The following PARD6B variants were observed in gnomAD, a reference collection of about 807,000 sequenced individuals.
PARD6B encodes par-6 family cell polarity regulator beta.
A neutral mutation model predicts 10.5 loss-of-function variants in PARD6B; 4 were observed. The ratio of observed to expected loss-of-function variants is 0.38; its 90% CI spans 0.19 to 0.87. The LOEUF is 0.87. Ranked by LOEUF, PARD6B falls within the 40% of genes least tolerant of loss-of-function variation. The pLI, the probability that PARD6B is intolerant of heterozygous loss-of-function variation, is 0.41. For synonymous variants in PARD6B, 169 were observed against 170.4 expected, an observed-to-expected ratio of 0.99 and a Z score of 0.07; for missense variants, 396 against 470.6, an observed-to-expected ratio of 0.84 and a Z score of 1.47.
In PARD6B at chr20:50,750,578, C is replaced by T. The variant is rs1411711804; in HGVS notation, c.*90C>T. The T allele has an allele frequency of 6.0e-5, 89 of 1,475,568 alleles. No homozygotes were observed. The highest frequency in any genetic ancestry group is 8.4e-5 in the South Asian group (6 of 71,210). The allele number at this position is 1,475,568 out of a possible 1,614,324, so 91.4% of individuals were successfully genotyped here. ...AAGCATATATACCTCTGACCAGTGA[C>T]GTGGAATAGGCATGAGACGAGTAAC... On this transcript the variant is annotated 3_prime_UTR_variant, in exon 3 of 3. Transcript: ENST00000371610.
At chr20:50,748,118 C>T (rs1487172592) in intron 2 of PARD6B, among the ~76,000 whole-genome samples, 1 of 152,216 alleles carries the variant, frequency 6.6e-6, no homozygotes, top group East Asian at 1.9e-4. Flanking sequence ...GCAGGTGGAT[C>T]ACCTGAGGTC....
intron 2 of PARD6B, among the ~76,000 whole-genome samples, chr20:50,747,751 G>A (rs2087577406): frequency 6.6e-6 from 1 of 151,886 alleles, no homozygotes; most frequent in African/African-American, 2.4e-5. Context: ...GGTGTTAGGT[G>A]TTCTGTTTTC....
rs181369950 is a variant in PARD6B, at chr20:50,751,806, A to G, written c.*1318A>G. 5.1e-4 allele frequency: 478 copies of G among 939,828 alleles called. 3 individuals are homozygous for G. In the African/African-American group the frequency reaches 7.9e-3, roughly 16 times the overall value. 58.2% of individuals were successfully genotyped at this position (939,828 alleles called of 1,614,324 possible). On this transcript the variant is annotated 3_prime_UTR_variant, in exon 3 of 3. Coordinates refer to ENST00000371610, the MANE Select transcript of PARD6B (RefSeq NM_032521.3). ...CAATCTCAGCTCCCGGGTTCAAGCA[A>G]TTCTCCTGCCTCAGCCTTCTGAGTA...
chr20:50,749,743 A>T lies in PARD6B; in HGVS notation c.374A>T (p.His125Leu). Residue 125 changes from histidine to leucine, a missense_variant, in exon 3 of 3, where the codon CAT becomes CTT. His to Leu is a moderately conservative substitution (Grantham distance 99, BLOSUM62 -3). Transcript: ENST00000371610. ...VLTNVLRPDN[H>L]RKKPHIVISM... ...ACCAACGTATTGCGTCCTGACAACC[A>T]TAGAAAAAAGCCACATATAGTCATT... 4 of 1,614,180 alleles carry T rather than the reference A, an allele frequency of 2.5e-6. No individual in the cohort carries two copies. The highest frequency in any genetic ancestry group is 3.4e-6 in the Non-Finnish European group (4 of 1,180,026).
rs2087626340 is a variant in PARD6B at position 50,753,458 on chromosome 20, G to C, written c.*2970G>C. The C allele has an allele frequency of 3.1e-6, 3 of 980,834 alleles. No individual in the cohort carries two copies. Among genetic ancestry groups the C allele is most frequent in the South Asian group, 9.4e-5 (2 of 21,198 alleles). 60.8% of individuals were successfully genotyped at this position (980,834 alleles called of 1,614,324 possible). ...ATAGTACTAAATGTCAAGCCTAACT[G>C]TGAATTTTGTTCTGTATCTTAAGTA... On this transcript the variant is annotated 3_prime_UTR_variant, in exon 3 of 3. Transcript: ENST00000371610.
At chr20:50,747,477 T>TTTTC (rs1379242641) in intron 2 of PARD6B, among the ~76,000 whole-genome samples, 7 of 142,402 alleles carry the variant, frequency 4.9e-5, no homozygotes, top group Non-Finnish European at 7.5e-5. Context: ...CTTTTTCTTT[T>TTTTC]TTTCTTTCTT....
At chr20:50,738,472 C>G (rs957291128) in intron 2 of PARD6B, among the ~76,000 whole-genome samples, 1 of 152,140 alleles carries the variant, frequency 6.6e-6, no homozygotes, top group African/African-American at 2.4e-5. Flanking sequence ...TTGGTGGCAA[C>G]CAACTTTCAA....
At chr20:50,748,666 C>A (rs945613848) in intron 2 of PARD6B, among the ~76,000 whole-genome samples, 1 of 152,052 alleles carries the variant, frequency 6.6e-6, no homozygotes, top group African/African-American at 2.4e-5. Context: ...AGCCGGGACT[C>A]CAGGCAGACG....
chr20:50,741,551 T>C (rs953522053), intron 2 of PARD6B, among the ~76,000 whole-genome samples: 41 of 152,206 alleles, frequency 2.7e-4, no homozygotes, highest in African/African-American at 9.1e-4. Flanking sequence ...CTATAATGCA[T>C]GCACTCTTTT....
rs2087615730 is a variant in PARD6B at position 50,752,142 on chromosome 20, T to C, written c.*1654T>C. On this transcript the variant is annotated 3_prime_UTR_variant, in exon 3 of 3. Transcript: ENST00000371610. ...GGCAATTCTCTTGACTTTGGAAATA[T>C]GGAAGTCTCTCCTTTAACCTATTCT... 6.1e-6 allele frequency: 6 copies of C among 985,490 alleles called. No individual in the cohort carries two copies. The African/African-American group carries it at 7.0e-5, about 11-fold the overall frequency. 61.0% of individuals were successfully genotyped at this position (985,490 alleles called of 1,614,324 possible). A position where few individuals can be genotyped will look rare whatever the true frequency, so the allele number is the denominator to read the frequency against.
intron 2 of PARD6B, among the ~76,000 whole-genome samples, chr20:50,748,989 C>T (rs980056180): frequency 3.3e-5 from 5 of 152,002 alleles, no homozygotes; most frequent in Admixed American, 6.6e-5. Flanking sequence ...GCCTGGGCAA[C>T]ATAGCAAGAC....
rs1222423322 is a variant in PARD6B, at chr20:50,752,427, G to A, written c.*1939G>A. The A allele has an allele frequency of 1.0e-6, 1 of 985,474 alleles. No individual in the cohort carries two copies. The highest frequency in any genetic ancestry group is 6.1e-5 in the Admixed American group (1 of 16,270). The allele number at this position is 985,474 out of a possible 1,614,324, so 61.0% of individuals were successfully genotyped here. A position where few individuals can be genotyped will look rare whatever the true frequency, so the allele number is the denominator to read the frequency against. Reference sequence around the variant, plus strand: ...ATAGTATTCACCTGTGACAGGTAGAGTTTATCACTATTAATTTTATGAGGC... The same window carrying A: ...ATAGTATTCACCTGTGACAGGTAGAATTTATCACTATTAATTTTATGAGGC... On this transcript the variant is annotated 3_prime_UTR_variant, in exon 3 of 3. Coordinates refer to ENST00000371610, the MANE Select transcript of PARD6B (RefSeq NM_032521.3).
chr20:50,738,117 G>T (rs372344103), intron 2 of PARD6B, 38 bp downstream of exon 2: 2 of 1,462,606 alleles, frequency 1.4e-6, no homozygotes, highest in African/African-American at 1.4e-5. Context: ...GTTAGAAATA[G>T]AAATAGTGTA....
At chr20:50,741,550 A>G (rs1272458011) in intron 2 of PARD6B, among the ~76,000 whole-genome samples, 1 of 151,894 alleles carries the variant, frequency 6.6e-6, no homozygotes, top group Non-Finnish European at 1.5e-5. Context: ...ACTATAATGC[A>G]TGCACTCTTT....
chr20:50,748,384 C>T (rs1384970701), intron 2 of PARD6B, among the ~76,000 whole-genome samples: 1 of 152,188 alleles, frequency 6.6e-6, no homozygotes, highest in African/African-American at 2.4e-5. Flanking sequence ...TGTTTATTTG[C>T]AGAATACCAA....
chr20:50,736,200 G>C (rs1294128029), intron 1 of PARD6B, among the ~76,000 whole-genome samples: 1 of 152,162 alleles, frequency 6.6e-6, no homozygotes, highest in Non-Finnish European at 1.5e-5. Context: ...AAGCAGAGCA[G>C]GTGAACTTTA....
chr20:50,745,632 T>A (rs1434394596), intron 2 of PARD6B, among the ~76,000 whole-genome samples: 1 of 152,134 alleles, frequency 6.6e-6, no homozygotes, highest in Non-Finnish European at 1.5e-5. Flanking sequence ...CCCAAGTAGC[T>A]TGGACTACAG....
intron 2 of PARD6B, among the ~76,000 whole-genome samples, chr20:50,739,209 G>A (rs2087516159): frequency 6.6e-6 from 1 of 152,046 alleles, no homozygotes; most frequent in South Asian, 2.1e-4. Context: ...CACTTTGGGA[G>A]GTGGAGGCGG....
At position 50,750,482 on chromosome 20, in the gene PARD6B, A is replaced by G; in HGVS notation, c.1113A>G (p.Thr371=). Residue 371 remains threonine, a synonymous_variant, in exon 3 of 3, where the codon ACA becomes ACG. Transcript: ENST00000371610. ...TAGAAGAAGATGGAACAATCATAAC[A>G]TTATGAAACCGTGGTTTGAATGTTT... The part of the protein sequence containing the change: ...KLLEEDGTII[T]L The G allele has an allele frequency of 6.2e-7, 1 of 1,610,216 alleles. No homozygotes were observed. Among genetic ancestry groups the G allele is most frequent in the Non-Finnish European group, 8.5e-7 (1 of 1,177,696 alleles).
Sources: gnomAD v4.1 joint callset for allele counts (sites outside exome capture counted in the v4.1 genomes callset) on GRCh38, gnomAD v4.1.1 for gene constraint, MANE v1.5 for transcripts, NCBI Gene and HGNC (gene_info 2026-07-23, HGNC 2026-07-21) for gene names.